Variants in PID1 observed in about 807,000 individuals in gnomAD.
PID1 encodes the protein phosphotyrosine interaction domain containing 1.
Under a neutral mutation model 19.1 loss-of-function variants are expected in PID1, and 10 were observed. The observed-to-expected ratio is 0.52, with a 90% confidence interval of 0.32 to 0.89. The LOEUF (loss-of-function observed/expected upper bound fraction) is 0.89, where lower values mean the gene tolerates loss of function less well. Ranked by LOEUF, PID1 falls within the 40% of genes least tolerant of loss-of-function variation. PID1 has a pLI of 0.03. For missense variants in PID1, 248 were observed against 285.3 expected, an observed-to-expected ratio of 0.87 and a Z score of 0.94; for synonymous variants, 130 against 116.0, an observed-to-expected ratio of 1.12 and a Z score of -0.78.
At chr2:229,154,103 C>T (rs1192015499) in intron 2 of PID1, among the ~76,000 whole-genome samples, 1 of 152,160 alleles carries the variant, frequency 6.6e-6, no homozygotes, top group African/African-American at 2.4e-5. Flanking sequence ...GAGCCACTGA[C>T]AATAGCTCTT....
At position 229,135,440 on chromosome 2, in the gene PID1, G is replaced by A. The variant is rs988450499; in HGVS notation, c.177+20378C>T. Among the ~76,000 whole-genome samples, 5 of 152,288 alleles carry A rather than the reference G, an allele frequency of 3.3e-5. No individual in the cohort carries two copies. The East Asian group carries it at 7.7e-4, about 24-fold the overall frequency. Reference sequence around the variant, plus strand: ...CCATATGTATGACATATCCAGAATAGGCAAATTCATAGAGACAGAATTACA... The same window carrying A: ...CCATATGTATGACATATCCAGAATAAGCAAATTCATAGAGACAGAATTACA... On this transcript the variant is annotated intron_variant, in intron 2 of 2. Transcript: ENST00000392055.
In PID1 at chr2:229,032,974, C is replaced by A. The variant is rs1693587355; in HGVS notation, c.178-6866G>T. ...AGCAGTGTCCTCAGAATCTCTCCTT[C>A]CAACTCATGAGTTTTCCAACACCCC... On this transcript the variant is annotated intron_variant, in intron 2 of 2. Transcript: ENST00000392055. Among the ~76,000 whole-genome samples, 4 of 152,158 alleles carry A rather than the reference C, an allele frequency of 2.6e-5. No homozygotes were observed. The South Asian group carries it at 8.3e-4, about 32-fold the overall frequency.
chr2:229,099,772 GA>G (rs1364127119), intron 2 of PID1, among the ~76,000 whole-genome samples: 1 of 152,156 alleles, frequency 6.6e-6, no homozygotes, highest in Non-Finnish European at 1.5e-5. Context: ...GTGATTGGAG[GA>G]AAACCTCATT....
intron 2 of PID1, among the ~76,000 whole-genome samples, chr2:229,151,812 C>T (rs111598893): frequency 2.0e-4 from 30 of 152,224 alleles, no homozygotes; most frequent in African/African-American, 6.3e-4. Flanking sequence ...CCTCGTGATC[C>T]GCCCGCCTCG....
chr2:229,029,189 T>TAAC (rs57391771), intron 2 of PID1, among the ~76,000 whole-genome samples: 4,451 of 151,632 alleles, frequency 0.029, 219 homozygotes, highest in African/African-American at 0.1. Context: ...TTTACCCATG[T>TAAC]AACAAACCTG....
chr2:229,111,464 C>T (rs185069103), intron 2 of PID1, among the ~76,000 whole-genome samples: 41 of 152,218 alleles, frequency 2.7e-4, no homozygotes, highest in African/African-American at 6.5e-4. Flanking sequence ...ATTGTTCTGA[C>T]GCAAAAATCT....
chr2:229,142,036 A>G (rs1456666585), intron 2 of PID1, among the ~76,000 whole-genome samples: 2 of 152,008 alleles, frequency 1.3e-5, no homozygotes, highest in Non-Finnish European at 1.5e-5. Flanking sequence ...TATTTAAAAG[A>G]GGATTTTATG....
intron 2 of PID1, among the ~76,000 whole-genome samples, chr2:229,114,524 T>C (rs141560168): frequency 6.6e-6 from 1 of 152,108 alleles, no homozygotes; most frequent in Non-Finnish European, 1.5e-5. Context: ...TCCTTCACAA[T>C]TGGGGTACTC....
rs199823440 is a variant in PID1 at position 229,245,980 on chromosome 2, C to G, written c.30+25034G>C. 9.9e-5 allele frequency among the ~76,000 whole-genome samples: 15 copies of G among 152,248 alleles called. 1 individual carries two copies. The highest frequency in any genetic ancestry group is 7.7e-4 in the East Asian group (4 of 5,184). Reference sequence around the variant, plus strand: ...GCTGTTTTTCGTGCTCTGTTTGTTTCATTTTGCAGACCAAATTGTGACAGG... The same window carrying G: ...GCTGTTTTTCGTGCTCTGTTTGTTTGATTTTGCAGACCAAATTGTGACAGG... On this transcript the variant is annotated intron_variant, in intron 1 of 2. Coordinates refer to ENST00000392055, the MANE Select transcript of PID1 (RefSeq NM_001100818.2).
intron 1 of PID1, among the ~76,000 whole-genome samples, chr2:229,206,629 A>G (rs953797341): frequency 4.6e-5 from 7 of 152,212 alleles, no homozygotes; most frequent in African/African-American, 1.7e-4. Context: ...TCATAAGTTA[A>G]ATAAATATAC....
At chr2:229,107,055 T>C (rs1348676153) in intron 2 of PID1, among the ~76,000 whole-genome samples, 1 of 151,944 alleles carries the variant, frequency 6.6e-6, no homozygotes. Context: ...CACAAACACA[T>C]GGAGAGGAAG....
chr2:229,159,601 T>C (rs1690452056), intron 1 of PID1, among the ~76,000 whole-genome samples: 1 of 152,138 alleles, frequency 6.6e-6, no homozygotes, highest in African/African-American at 2.4e-5. Flanking sequence ...CAAGTGCATA[T>C]GCCAATTCCT....
intron 2 of PID1, among the ~76,000 whole-genome samples, chr2:229,128,688 A>T (rs1014831454): frequency 6.6e-6 from 1 of 152,206 alleles, no homozygotes; most frequent in Non-Finnish European, 1.5e-5. Flanking sequence ...CCATGCATTG[A>T]ATGTCTATTA....
intron 1 of PID1, among the ~76,000 whole-genome samples, chr2:229,234,073 C>T (rs962569403): frequency 6.6e-6 from 1 of 152,058 alleles, no homozygotes; most frequent in Admixed American, 6.6e-5. Flanking sequence ...TGGGGAAAGG[C>T]CAGCATGTTG....
intron 2 of PID1, among the ~76,000 whole-genome samples, chr2:229,121,060 C>A (rs919420325): frequency 1.3e-5 from 2 of 152,144 alleles, no homozygotes; most frequent in African/African-American, 4.8e-5. Flanking sequence ...AAATAAACCT[C>A]TTATTTATAA....
chr2:229,087,454 A>C (rs1459170607), intron 2 of PID1, among the ~76,000 whole-genome samples: 1 of 152,210 alleles, frequency 6.6e-6, no homozygotes, highest in Non-Finnish European at 1.5e-5. Flanking sequence ...CAGCCGCATA[A>C]GAGGGGATCA....
chr2:229,151,070 G>T (rs552925851), intron 2 of PID1, among the ~76,000 whole-genome samples: 2 of 152,146 alleles, frequency 1.3e-5, no homozygotes, highest in Admixed American at 6.5e-5. Context: ...ATCCACTAAG[G>T]AGTGTGTAAC....
intron 1 of PID1, among the ~76,000 whole-genome samples, chr2:229,165,825 T>C (rs1171001447): frequency 1.3e-5 from 2 of 152,158 alleles, no homozygotes; most frequent in East Asian, 1.9e-4. Flanking sequence ...TCTTTATTCA[T>C]AGAAAATTTG....
chr2:229,037,450 T>C (rs1693687267), intron 2 of PID1, among the ~76,000 whole-genome samples: 2 of 152,306 alleles, frequency 1.3e-5, no homozygotes, highest in South Asian at 2.1e-4. Context: ...GTTCCAATGA[T>C]GCAGGGTGAC....
Sources: gnomAD v4.1 joint callset for allele counts (sites outside exome capture counted in the v4.1 genomes callset) on GRCh38, gnomAD v4.1.1 for gene constraint, MANE v1.5 for transcripts, NCBI Gene and HGNC (gene_info 2026-07-23, HGNC 2026-07-21) for gene names.